The following PTTG1 variants were observed in gnomAD, a reference collection of about 807,000 sequenced individuals.
The protein encoded by PTTG1 is securin.
Under a neutral mutation model 20.0 loss-of-function variants are expected in PTTG1, and 8 were observed. The observed-to-expected ratio is 0.40, with a 90% CI of 0.23 to 0.72. PTTG1 has a LOEUF of 0.72. Among genes scored for constraint, PTTG1 ranks in the 30% least tolerant of loss-of-function variants. The probability of loss-of-function intolerance (pLI) is 0.38; values close to 1 mark genes in which losing one functional copy is unlikely to be tolerated. For synonymous variants in PTTG1, 79 were observed against 87.2 expected (o/e 0.91, Z 0.52); for missense variants, 197 against 236.0 (o/e 0.83, Z 1.08).
rs1171634448 is a variant in PTTG1 at position 160,424,235 on chromosome 5, A to G, written c.277-2A>G. 1 of 1,602,840 alleles carries G rather than the reference A, an allele frequency of 6.2e-7. No homozygotes were observed. The highest frequency in any genetic ancestry group is 2.2e-5 in the East Asian group (1 of 44,780). The stretch of plus-strand genomic sequence containing the variant: ...AACCCATATTTTCTTTGGCTGTTCT[A>G]GATGACTGAGAAGACTGTTAAAGCA... On this transcript the variant is annotated splice_acceptor_variant, in intron 3 of 5. Transcript: ENST00000352433. LOFTEE classifies it high-confidence loss of function.
At chr5:160,426,543 G>C (rs1347833648) in intron 4 of PTTG1, among the ~76,000 whole-genome samples, 1 of 152,026 alleles carries the variant, frequency 6.6e-6, no homozygotes, top group African/African-American at 2.4e-5. Flanking sequence ...AAAATCCATT[G>C]GTCTATTTTG....
At chr5:160,428,578 T>C (rs1270407546) in intron 5 of PTTG1, 24 bp from the exon 6 acceptor site, 3 of 1,604,464 alleles carry the variant, frequency 1.9e-6, no homozygotes, top group Non-Finnish European at 2.6e-6. Flanking sequence ...GCAGAAATTT[T>C]AATAAGAGAT....
chr5:160,425,048 C>G (rs928438166), intron 4 of PTTG1, among the ~76,000 whole-genome samples: 1 of 152,124 alleles, frequency 6.6e-6, no homozygotes, highest in Non-Finnish European at 1.5e-5. Flanking sequence ...AAAATACAGG[C>G]AGGGTAAAGG....
intron 4 of PTTG1, 63 bp from the exon 5 acceptor site, chr5:160,427,652 A>C: frequency 6.4e-7 from 1 of 1,552,762 alleles, no homozygotes; most frequent in East Asian, 2.3e-5. Context: ...CTCAGACCAC[A>C]AGGGATCTAC....
chr5:160,422,113 T>G (rs1765722644), intron 1 of PTTG1, 189 bp from the exon 2 acceptor site: 1 of 544,638 alleles, frequency 1.8e-6, no homozygotes, highest in Non-Finnish European at 3.3e-6. Flanking sequence ...CTCGGGACCT[T>G]AGAGCCTCTG....
intron 2 of PTTG1, 88 bp downstream of exon 2, chr5:160,422,491 T>C (rs1765732053): frequency 2.5e-6 from 3 of 1,197,378 alleles, no homozygotes; most frequent in African/African-American, 1.5e-5. Context: ...TTTTGGGCAA[T>C]TGGAGTCGTT....
rs1298074891 is a variant in PTTG1, at chr5:160,424,265, G to A, written c.305G>A (p.Ser102Asn). ...KMTEKTVKAKSSVPASDDAYP... is the reference protein window; with the variant it reads ...KMTEKTVKAKNSVPASDDAYP... ...ACTGAGAAGACTGTTAAAGCAAAAA[G>A]CTCTGTTCCTGCCTCAGATGATGCC... is the stretch of plus-strand genomic sequence containing the variant. Residue 102 changes from serine (S) to asparagine (N), a missense_variant, in exon 4 of 6, where the codon AGC (serine) becomes AAC (asparagine). Transcript: ENST00000352433. 3 of 1,612,502 alleles carry A rather than the reference G, an allele frequency of 1.9e-6. No individual in the cohort carries two copies. In the South Asian group the frequency reaches 3.3e-5, roughly 18 times the overall value.
intron 4 of PTTG1, among the ~76,000 whole-genome samples, chr5:160,426,849 C>A (rs1561572770): frequency 6.6e-6 from 1 of 152,148 alleles, no homozygotes; most frequent in Non-Finnish European, 1.5e-5. Flanking sequence ...TCAAGACCAG[C>A]CTGGCCAACA....
chr5:160,422,193 T>C (rs1765724225), intron 1 of PTTG1, 109 bp from the exon 2 acceptor site: 1 of 745,744 alleles, frequency 1.3e-6, no homozygotes, highest in Admixed American at 2.2e-5. Context: ...TTCCGCTGTT[T>C]AGCTCTTGTT....
At chr5:160,426,899 C>A (rs912262148) in intron 4 of PTTG1, among the ~76,000 whole-genome samples, 2 of 152,002 alleles carry the variant, frequency 1.3e-5, no homozygotes, top group African/African-American at 4.8e-5. Context: ...AAAAATTATC[C>A]GGGTGTGGTG....
intron 3 of PTTG1, among the ~76,000 whole-genome samples, chr5:160,423,254 G>T (rs965541134): frequency 1.3e-4 from 20 of 152,178 alleles, no homozygotes; most frequent in South Asian, 6.2e-4. Context: ...GAGAGAGAGG[G>T]TGCCTTAAGA....
intron 4 of PTTG1, 43 bp downstream of exon 4, chr5:160,424,373 T>A: frequency 7.4e-7 from 1 of 1,358,096 alleles, no homozygotes; most frequent in Non-Finnish European, 1.0e-6. Flanking sequence ...TGGCCTTTAG[T>A]TTCTTAGTAT....
At chr5:160,422,173 C>A in intron 1 of PTTG1, 129 bp from the exon 2 acceptor site, 3 of 665,878 alleles carry the variant, frequency 4.5e-6, no homozygotes, top group South Asian at 3.6e-5. Flanking sequence ...TTGGCTCACG[C>A]CCGTGACTGT....
At chr5:160,422,537 G>A (rs375441441) in intron 2 of PTTG1, 134 bp downstream of exon 2, 6 of 651,616 alleles carry the variant, frequency 9.2e-6, no homozygotes. Flanking sequence ...ATATCTTAAT[G>A]AGATGATTTA....
At chr5:160,428,493 T>C (rs1039557882) in intron 5 of PTTG1, 109 bp from the exon 6 acceptor site, 2 of 992,338 alleles carry the variant, frequency 2.0e-6, no homozygotes, top group African/African-American at 1.6e-5. Context: ...GGTGATTGAT[T>C]TGACAAAGGG....
At chr5:160,422,176 G>A (rs1270291307) in intron 1 of PTTG1, 126 bp from the exon 2 acceptor site, 9 of 673,708 alleles carry the variant, frequency 1.3e-5, no homozygotes, top group Non-Finnish European at 2.4e-5. Flanking sequence ...GCTCACGCCC[G>A]TGACTGTTCC....
chr5:160,424,521 A>G (rs1407619786), intron 4 of PTTG1, 191 bp downstream of exon 4: 42 of 530,342 alleles, frequency 7.9e-5, no homozygotes, highest in Non-Finnish European at 3.3e-6. Context: ...CAGGAGGGGA[A>G]TAGGAACAAA....
rs759337317 is a variant in PTTG1 at position 160,422,788 on chromosome 5, T to G, written c.171T>G (p.Pro57=). 1.4e-4 allele frequency: 229 copies of G among 1,613,974 alleles called. No individual in the cohort carries two copies. The highest frequency in any genetic ancestry group is 1.9e-4 in the Non-Finnish European group (225 of 1,179,976). ...CGTTCGATGCCCCACCAGCCTTACC[T>G]AAAGCTACTAGAAAGGCTTTGGGAA... ...GKTFDAPPAL[P]KATRKALGTV... is the part of the protein sequence containing the mutation. Residue 57 remains proline, a synonymous_variant, in exon 3 of 6, where the codon CCT becomes CCG. Coordinates refer to ENST00000352433, the MANE Select transcript of PTTG1 (RefSeq NM_004219.4).
At chr5:160,422,096 C>G in intron 1 of PTTG1, 1 of 498,256 alleles carries the variant, frequency 2.0e-6, no homozygotes, top group South Asian at 2.3e-5. Flanking sequence ...CCCCAAACCG[C>G]GCGCTGCTCG....
Sources: gnomAD v4.1 joint callset for allele counts (sites outside exome capture counted in the v4.1 genomes callset) on GRCh38, gnomAD v4.1.1 for gene constraint, MANE v1.5 for transcripts, NCBI Gene and HGNC (gene_info 2026-07-23, HGNC 2026-07-21) for gene names.